The following BCL11B variants were observed in gnomAD, a reference collection of about 807,000 sequenced individuals.
The protein encoded by BCL11B is BCL11 transcription factor B, also known as B-cell lymphoma/leukemia 11B.
A neutral mutation model predicts 49.9 loss-of-function variants in BCL11B; 8 were observed. That is an observed-to-expected ratio of 0.16 (90% CI 0.09 to 0.29). The LOEUF is 0.29. Among genes scored for constraint, BCL11B ranks in the 10% least tolerant of loss-of-function variants. The pLI, the probability that BCL11B is intolerant of heterozygous loss-of-function variation, is 1.00. For synonymous variants in BCL11B, 739 were observed against 637.4 expected (o/e 1.16, Z -2.40); for missense variants, 1,006 against 1,351.0 (o/e 0.74, Z 4.00).
At position 99,192,400 on chromosome 14, in the gene BCL11B, A is replaced by G. The variant is rs76251621; in HGVS notation, c.641-16205T>C. ...GGGCTTTCGGGGCCCCGCTCGCCAC[A>G]ATAGGGACTGTAAACTGGGGCTGGT... On this transcript the variant is annotated intron_variant, in intron 3 of 3. Coordinates refer to ENST00000357195, the MANE Select transcript of BCL11B (RefSeq NM_138576.4). The surrounding 1 kb of genome is among the most constrained non-coding windows in gnomAD (Gnocchi z 4.0). 2.0e-3 allele frequency among the ~76,000 whole-genome samples: 309 copies of G among 152,264 alleles called. No individual in the cohort carries two copies. Among genetic ancestry groups the G allele is most frequent in the African/African-American group, 7.1e-3 (296 of 41,558 alleles).
chr14:99,181,140 G>A lies in BCL11B; in HGVS notation c.641-4945C>T, dbSNP rs369463784. 1.3e-4 allele frequency among the ~76,000 whole-genome samples: 20 copies of A among 152,334 alleles called. No homozygotes were observed. The East Asian group carries it at 1.5e-3, about 12-fold the overall frequency. On this transcript the variant is annotated intron_variant, in intron 3 of 3. Coordinates refer to ENST00000357195, the MANE Select transcript of BCL11B (RefSeq NM_138576.4). ...TGATACCAAAGGGAAGGGCATTCCT[G>A]CCTGGGTGAGATTTAGTGGCCCACT... is the stretch of plus-strand genomic sequence containing the variant.
At chr14:99,185,809 T>C (rs1163838163) in intron 3 of BCL11B, among the ~76,000 whole-genome samples, 1 of 152,144 alleles carries the variant, frequency 6.6e-6, no homozygotes, top group Admixed American at 6.5e-5. Context: ...CGAGGTGCTT[T>C]CCTGGGGAAG....
In BCL11B at chr14:99,171,766, A is replaced by G. The variant is rs933787062; in HGVS notation, c.*2385T>C. On this transcript the variant is annotated 3_prime_UTR_variant, in exon 4 of 4. Transcript: ENST00000357195. ...CAACACCCAAGGCAGAAAAAAATTTACTAAAACTCCGACTTTACAGTTACT... is the reference window on the plus strand; with the variant it reads ...CAACACCCAAGGCAGAAAAAAATTTGCTAAAACTCCGACTTTACAGTTACT... 1.4e-5 allele frequency: 3 copies of G among 211,278 alleles called. No homozygotes were observed. Among genetic ancestry groups the G allele is most frequent in the Non-Finnish European group, 2.9e-5 (3 of 104,016 alleles). 13.1% of individuals were successfully genotyped at this position (211,278 alleles called of 1,614,324 possible). A position where few individuals can be genotyped will look rare whatever the true frequency, so the allele number is the denominator to read the frequency against.
rs1404676823 is a variant in BCL11B at position 99,195,493 on chromosome 14, C to A, written c.641-19298G>T. Among the ~76,000 whole-genome samples, 3 of 152,132 alleles carry A rather than the reference C, an allele frequency of 2.0e-5. No individual in the cohort carries two copies. The highest frequency in any genetic ancestry group is 4.4e-5 in the Non-Finnish European group (3 of 68,030). On this transcript the variant is annotated intron_variant, in intron 3 of 3. Coordinates refer to ENST00000357195, the MANE Select transcript of BCL11B (RefSeq NM_138576.4). The surrounding 1 kb of genome is among the most constrained non-coding windows in gnomAD (Gnocchi z 4.7). The stretch of plus-strand genomic sequence containing the variant: ...CCAGGATACTGCACTGGGCTTTGCA[C>A]CCCCAAAACAATGGCTGGCCCTTGC...
chr14:99,187,268 A>G (rs896378418), intron 3 of BCL11B, among the ~76,000 whole-genome samples: 3 of 152,218 alleles, frequency 2.0e-5, no homozygotes, highest in Non-Finnish European at 4.4e-5. Context: ...CCGGGGCAGG[A>G]CGCACAGAGC....
intron 3 of BCL11B, among the ~76,000 whole-genome samples, chr14:99,198,361 G>A (rs1321310269): frequency 1.3e-5 from 2 of 152,194 alleles, no homozygotes; most frequent in African/African-American, 2.4e-5. Context: ...TCGAACGGCT[G>A]AGCTCTTGCT....
intron 1 of BCL11B, among the ~76,000 whole-genome samples, chr14:99,266,684 C>T (rs1889492235): frequency 6.6e-6 from 1 of 152,254 alleles, no homozygotes; most frequent in Non-Finnish European, 1.5e-5. Flanking sequence ...GAAGCCCGTT[C>T]CTAGCCCATT....
chr14:99,220,882 G>T (rs896210643), intron 3 of BCL11B, among the ~76,000 whole-genome samples: 3 of 151,884 alleles, frequency 2.0e-5, no homozygotes, highest in Non-Finnish European at 4.4e-5. Context: ...ACAGCATCTC[G>T]CTCTGTTGCC....
chr14:99,197,907 G>A (rs553493922), intron 3 of BCL11B, among the ~76,000 whole-genome samples: 23 of 152,252 alleles, frequency 1.5e-4, no homozygotes, highest in African/African-American at 4.8e-4. Context: ...ATTTGAAGCC[G>A]CAAGCCAGGT....
chr14:99,255,871 C>T (rs1048678108), intron 2 of BCL11B, among the ~76,000 whole-genome samples: 1 of 152,202 alleles, frequency 6.6e-6, no homozygotes. Context: ...CTCAAAGCCC[C>T]TTGCATCTTG....
At position 99,218,323 on chromosome 14, in the gene BCL11B, G is replaced by A. The variant is rs1253343146; in HGVS notation, c.640+13022C>T. On this transcript the variant is annotated intron_variant, in intron 3 of 3. Transcript: ENST00000357195. ...TCTCGATCCCCTGACCTCGTGATCC[G>A]CCCGCCTCGGCCTCCCAAAGTGCTG... 2.8e-5 allele frequency among the ~76,000 whole-genome samples: 4 copies of A among 145,322 alleles called. No individual in the cohort carries two copies. In the East Asian group the frequency reaches 8.3e-4, roughly 30 times the overall value.
intron 1 of BCL11B, among the ~76,000 whole-genome samples, chr14:99,259,175 C>T (rs374823075): frequency 1.3e-5 from 2 of 152,072 alleles, no homozygotes. Flanking sequence ...GTCTGAAACC[C>T]GAGGAGGCAG....
intron 3 of BCL11B, among the ~76,000 whole-genome samples, chr14:99,217,287 C>T (rs1478664930): frequency 7.4e-6 from 1 of 134,640 alleles, no homozygotes; most frequent in Non-Finnish European, 1.8e-5. Flanking sequence ...CACATACAAA[C>T]ACACTCACAA....
chr14:99,192,106 C>A lies in BCL11B; in HGVS notation c.641-15911G>T, dbSNP rs1027311775. On this transcript the variant is annotated intron_variant, in intron 3 of 3. Coordinates refer to ENST00000357195, the MANE Select transcript of BCL11B (RefSeq NM_138576.4). This position sits in a 1 kb window ranked among gnomAD's most constrained non-coding sequence, Gnocchi z 4.0. ...TTTTAGAACAATCACTGGAGTGATT[C>A]TTCTTAGTTGTAGAAACACTCCAAA... 2.0e-5 allele frequency among the ~76,000 whole-genome samples: 3 copies of A among 152,180 alleles called. No individual in the cohort carries two copies. The highest frequency in any genetic ancestry group is 7.2e-5 in the African/African-American group (3 of 41,450).
At chr14:99,233,686 G>C (rs1888403357) in intron 2 of BCL11B, among the ~76,000 whole-genome samples, 1 of 152,142 alleles carries the variant, frequency 6.6e-6, no homozygotes. Context: ...CAGGCATCTG[G>C]CCACACCCTT....
chr14:99,184,548 G>A lies in BCL11B; in HGVS notation c.641-8353C>T, dbSNP rs146157037. Among the ~76,000 whole-genome samples the A allele has an allele frequency of 1.4e-4, 22 of 152,304 alleles. No homozygotes were observed. The highest frequency in any genetic ancestry group is 3.9e-4 in the Admixed American group (6 of 15,308). ...TGAGGGGCCCCAGGTCACAGGGCTG[G>A]TAAGTGGCAGAGTCAAGATGCACAC... On this transcript the variant is annotated intron_variant, in intron 3 of 3. Transcript: ENST00000357195. This position sits in a 1 kb window ranked among gnomAD's most constrained non-coding sequence, Gnocchi z 6.1.
intron 3 of BCL11B, among the ~76,000 whole-genome samples, chr14:99,176,595 C>A (rs892364834): frequency 6.6e-6 from 1 of 152,216 alleles, no homozygotes; most frequent in Admixed American, 6.5e-5. Context: ...TCCCAGCCCT[C>A]GAGGATGCTC....
Position 99,175,708 on chromosome 14 carries a change from C to G in BCL11B, c.1128G>C (p.Thr376=). The G allele has an allele frequency of 6.7e-7, 1 of 1,502,886 alleles. No homozygotes were observed. The highest frequency in any genetic ancestry group is 8.8e-7 in the Non-Finnish European group (1 of 1,141,722). 93.1% of individuals were successfully genotyped at this position (1,502,886 alleles called of 1,614,324 possible). A position where few individuals can be genotyped will look rare whatever the true frequency, so the allele number is the denominator to read the frequency against. The part of the protein sequence containing the change: ...RLRELAGNSS[T]PPPVSPGRGN... ...CGCGGCCCGGGGACACGGGCGGCGG[C>G]GTGGAGCTGTTGCCCGCCAGCTCGC... The change falls in exon 4 of 4, where the codon ACG becomes ACC. Residue 376 remains threonine (T), a synonymous_variant. Transcript: ENST00000357195.
chr14:99,236,959 AAAG>A (rs1888518014), intron 2 of BCL11B, among the ~76,000 whole-genome samples: 1 of 152,202 alleles, frequency 6.6e-6, no homozygotes, highest in South Asian at 2.1e-4. Flanking sequence ...TTCCTATTTG[AAAG>A]AAGTGGAGTG....
Sources: gnomAD v4.1 joint callset for allele counts (sites outside exome capture counted in the v4.1 genomes callset) on GRCh38, gnomAD v4.1.1 for gene constraint, Gnocchi (gnomAD v3.1) non-coding constraint, MANE v1.5 for transcripts, NCBI Gene and HGNC (gene_info 2026-07-23, HGNC 2026-07-21) for gene names.